The following MAPK6 variants were observed in gnomAD, a reference collection of about 807,000 sequenced individuals.
MAPK6 encodes ERK-3.
In MAPK6, 19 loss-of-function variants were observed where a neutral mutation model predicts 59.3. The ratio of observed to expected loss-of-function variants is 0.32; its 90% CI spans 0.22 to 0.47. The LOEUF is 0.47. Ranked by LOEUF, MAPK6 falls within the 20% of genes least tolerant of loss-of-function variation. The pLI is 1.00. For synonymous variants in MAPK6, 316 were observed against 290.3 expected (o/e 1.09, Z -0.90); for missense variants, 724 against 847.9 (o/e 0.85, Z 1.81).
Position 52,058,618 on chromosome 15 carries a change from G to A in MAPK6, c.701-15G>A. ...CATTGAGGAATGTGTTTTTTTGTTT[G>A]TTTTTTAACCTCAGGTGCACATGAA... On this transcript the variant is annotated splice_polypyrimidine_tract_variant and intron_variant, in intron 3 of 5. Transcript: ENST00000261845. 3 of 1,570,520 alleles carry A rather than the reference G, an allele frequency of 1.9e-6. No individual in the cohort carries two copies. The highest frequency in any genetic ancestry group is 2.6e-6 in the Non-Finnish European group (3 of 1,158,492).
chr15:51,996,980 GA>G (rs199628960), intron 2 of MAPK6, among the ~76,000 whole-genome samples: 5 of 151,060 alleles, frequency 3.3e-5, no homozygotes, highest in Admixed American at 1.3e-4. Context: ...ACCATGCCAG[GA>G]AATTTTTTTT....
At chr15:52,053,070 GTTTT>G (rs140172832) in intron 3 of MAPK6, among the ~76,000 whole-genome samples, 3 of 125,328 alleles carry the variant, frequency 2.4e-5, no homozygotes, top group Admixed American at 1.6e-4. Flanking sequence ...TCTCATTGTG[GTTTT>G]TTTTTTTTTT....
At chr15:51,981,341 C>T (rs536100012) in intron 1 of MAPK6, among the ~76,000 whole-genome samples, 4 of 151,754 alleles carry the variant, frequency 2.6e-5, no homozygotes, top group Non-Finnish European at 5.9e-5. Flanking sequence ...CGTGTGGTGG[C>T]GGGCGCCTGT....
intron 5 of MAPK6, among the ~76,000 whole-genome samples, chr15:52,062,744 G>A (rs948045675): frequency 1.7e-4 from 26 of 152,126 alleles, no homozygotes; most frequent in East Asian, 5.8e-4. Flanking sequence ...CAGCCTGGGC[G>A]ACAGAGCAAG....
intron 1 of MAPK6, chr15:52,027,637 AG>A (rs2030853527): frequency 9.9e-6 from 1 of 100,830 alleles, no homozygotes; most frequent in Non-Finnish European, 2.2e-5. Context: ...TTTTTTTTAT[AG>A]GCGGGGTCTC....
At chr15:52,051,024 T>C (rs533333783) in intron 3 of MAPK6, among the ~76,000 whole-genome samples, 1 of 152,236 alleles carries the variant, frequency 6.6e-6, no homozygotes, top group South Asian at 2.1e-4. Context: ...TTAAGGCCTT[T>C]TTCTGTCTTT....
rs577542797 is a variant in MAPK6 at position 52,065,182 on chromosome 15, C to G, written c.*182C>G. ...ACATGTGAGATAGTTTTCATTTTAA[C>G]TGGCATGTCATTTGCACACAAAAAT... is the stretch of plus-strand genomic sequence containing the variant. On this transcript the variant is annotated 3_prime_UTR_variant, in exon 6 of 6. Coordinates refer to ENST00000261845, the MANE Select transcript of MAPK6 (RefSeq NM_002748.4). 1 of 540,720 alleles carries G rather than the reference C, an allele frequency of 1.8e-6. No individual in the cohort carries two copies. Among genetic ancestry groups the G allele is most frequent in the African/African-American group, 1.9e-5 (1 of 51,774 alleles). 33.5% of individuals were successfully genotyped at this position (540,720 alleles called of 1,614,324 possible).
chr15:52,054,198 T>C (rs12914884), intron 3 of MAPK6, among the ~76,000 whole-genome samples: 107,799 of 151,154 alleles, frequency 0.71, 40,738 homozygotes, highest in Non-Finnish European at 0.84. Flanking sequence ...TGAAACCCTG[T>C]CTCTACTAAA....
intron 3 of MAPK6, among the ~76,000 whole-genome samples, chr15:52,008,916 T>C (rs1236576215): frequency 1.3e-5 from 2 of 152,190 alleles, no homozygotes; most frequent in Non-Finnish European, 1.5e-5. Flanking sequence ...TGATGACATC[T>C]TCTGGGAAGG....
chr15:52,047,079 T>G, intron 2 of MAPK6, 64 bp downstream of exon 2: 369 of 1,166,522 alleles, frequency 3.2e-4, no homozygotes, highest in Middle Eastern at 6.2e-4. Context: ...GAATAGGTAC[T>G]TATATTTTCT....
chr15:52,001,924 T>C (rs1460267638), intron 2 of MAPK6, among the ~76,000 whole-genome samples: 2 of 152,138 alleles, frequency 1.3e-5, no homozygotes, highest in Non-Finnish European at 2.9e-5. Flanking sequence ...GTCCCATGTG[T>C]CAGAGTCTCA....
intron 2 of MAPK6, among the ~76,000 whole-genome samples, chr15:52,048,686 T>C (rs147184725): frequency 0.014 from 2,055 of 152,054 alleles, 59 homozygotes; most frequent in African/African-American, 0.048. Context: ...CTCAGCACTT[T>C]AGGAGGCCGG....
chr15:52,060,220 C>T (rs1465602780), intron 4 of MAPK6, among the ~76,000 whole-genome samples: 1 of 152,126 alleles, frequency 6.6e-6, no homozygotes, highest in Non-Finnish European at 1.5e-5. Flanking sequence ...GCCTGGGCAA[C>T]CGCAAAGATG....
At chr15:52,052,428 C>A (rs958610585) in intron 3 of MAPK6, among the ~76,000 whole-genome samples, 1 of 152,170 alleles carries the variant, frequency 6.6e-6, no homozygotes, top group Non-Finnish European at 1.5e-5. Context: ...ATTCACATAT[C>A]ATACAATTTA....
At chr15:52,030,889 T>C (rs1425939469) in intron 1 of MAPK6, among the ~76,000 whole-genome samples, 1 of 151,762 alleles carries the variant, frequency 6.6e-6, no homozygotes, top group Non-Finnish European at 1.5e-5. Flanking sequence ...CCTCCTGGGT[T>C]CAAGCAATTC....
At chr15:52,043,742 ATTTTTTTTTTT>A (rs71130125) in intron 1 of MAPK6, among the ~76,000 whole-genome samples, 30 of 40,662 alleles carry the variant, frequency 7.4e-4, no homozygotes, top group South Asian at 1.5e-3. Flanking sequence ...AAGTTGTTTG[ATTTTTTTTTTT>A]TTTTTTTTTT....
chr15:52,058,739 T>C lies in MAPK6; in HGVS notation c.807T>C (p.Asn269=). 3 of 1,613,586 alleles carry C rather than the reference T, an allele frequency of 1.9e-6. No homozygotes were observed. The highest frequency in any genetic ancestry group is 2.5e-6 in the Non-Finnish European group (3 of 1,179,754). The change falls in exon 4 of 6, where the codon AAT becomes AAC. Residue 269 remains asparagine (N), a synonymous_variant. Transcript: ENST00000261845. ...LLSVIPVYIR[N]DMTEPHKPLT... ...GCGTAATTCCAGTTTACATTAGAAA[T>C]GACATGACTGAGCCACACAAACCTT...
intron 2 of MAPK6, among the ~76,000 whole-genome samples, chr15:52,002,910 C>T (rs886241977): frequency 3.9e-5 from 6 of 152,026 alleles, no homozygotes; most frequent in Admixed American, 1.3e-4. Context: ...ATCAGATCAC[C>T]GGGCGCGGTG....
Position 52,064,637 on chromosome 15 carries a change from G to T in MAPK6, c.1803G>T (p.Gly601=). The T allele has an allele frequency of 6.2e-7, 1 of 1,611,824 alleles. No homozygotes were observed. The highest frequency in any genetic ancestry group is 8.5e-7 in the Non-Finnish European group (1 of 1,179,734). ...SSWDSQFVSG[G]EDCFFINQFC... Reference sequence around the variant, plus strand: ...GGGACAGCCAGTTTGTGAGTGGTGGGGAGGACTGTTTTTTCATAAATCAGT... The same window carrying T: ...GGGACAGCCAGTTTGTGAGTGGTGGTGAGGACTGTTTTTTCATAAATCAGT... Residue 601 remains glycine, a synonymous_variant, in exon 6 of 6, where the codon GGG becomes GGT. Transcript: ENST00000261845.
Sources: gnomAD v4.1 joint callset for allele counts (sites outside exome capture counted in the v4.1 genomes callset) on GRCh38, gnomAD v4.1.1 for gene constraint, MANE v1.5 for transcripts, NCBI Gene and HGNC (gene_info 2026-07-23, HGNC 2026-07-21) for gene names.